Variants in HCRTR2 observed in about 807,000 individuals in gnomAD.
HCRTR2 encodes the protein orexin receptor type 2.
HCRTR2 carries 22 observed loss-of-function variants against 49.0 expected under a neutral mutation model. The ratio of observed to expected loss-of-function variants is 0.45; its 90% CI spans 0.32 to 0.64. HCRTR2 has a LOEUF of 0.64. HCRTR2 is among the 30% of genes least tolerant of loss of function. HCRTR2 has a pLI of 0.04. For synonymous variants in HCRTR2, 236 were observed against 205.3 expected, an observed-to-expected ratio of 1.15 and a Z score of -1.28; for missense variants, 491 against 559.4, an observed-to-expected ratio of 0.88 and a Z score of 1.23.
chr6:55,118,277 A>T (rs1764148167), intron 1 of HCRTR2, among the ~76,000 whole-genome samples: 1 of 151,970 alleles, frequency 6.6e-6, no homozygotes, highest in East Asian at 1.9e-4. Context: ...TATATGCACC[A>T]CATTTTTTTA....
chr6:55,194,168 A>G (rs2127280172), intron 1 of HCRTR2, among the ~76,000 whole-genome samples: 1 of 152,254 alleles, frequency 6.6e-6, no homozygotes, highest in East Asian at 1.9e-4. Context: ...AATCTTAAAA[A>G]CCTTAGAATG....
intron 1 of HCRTR2, among the ~76,000 whole-genome samples, chr6:55,122,350 C>A (rs1476530477): frequency 6.6e-6 from 1 of 152,020 alleles, no homozygotes; most frequent in Non-Finnish European, 1.5e-5. Context: ...TGATTCTTCT[C>A]TCTTTTCTTC....
chr6:55,255,438 G>A, intron 3 of HCRTR2, 59 bp downstream of exon 3: 1 of 1,572,198 alleles, frequency 6.4e-7, no homozygotes, highest in Non-Finnish European at 8.7e-7. Context: ...TTGAAAATTG[G>A]ATTAGCATAG....
At chr6:55,218,262 T>G (rs922914715) in intron 1 of HCRTR2, among the ~76,000 whole-genome samples, 1 of 152,124 alleles carries the variant, frequency 6.6e-6, no homozygotes, top group African/African-American at 2.4e-5. Flanking sequence ...CAATATGGGT[T>G]TCAGAGGAGA....
intron 4 of HCRTR2, chr6:55,264,056 G>C: frequency 2.2e-6 from 1 of 454,510 alleles, no homozygotes; most frequent in Non-Finnish European, 3.9e-6. Context: ...GTAATATTCA[G>C]GAAATGTATT....
chr6:55,158,770 G>A (rs184620581), intron 1 of HCRTR2, among the ~76,000 whole-genome samples: 1 of 152,320 alleles, frequency 6.6e-6, no homozygotes, highest in East Asian at 1.9e-4. Flanking sequence ...TCCTGTCTGG[G>A]CAGGGCTTCT....
In HCRTR2 at chr6:55,248,730, C is replaced by T. The variant is rs761003526; in HGVS notation, c.315C>T (p.Ile105=). ...NLSLADVLVT[I]TCLPATLVVD... ...CTCTGGCTGATGTGCTCGTGACCAT[C>T]ACCTGCCTTCCAGCCACACTGGTCG... Residue 105 remains isoleucine, a synonymous_variant, in exon 2 of 7, where the codon ATC becomes ATT. Coordinates refer to ENST00000370862, the MANE Select transcript of HCRTR2 (RefSeq NM_001384272.1). The T allele has an allele frequency of 6.2e-7, 1 of 1,613,450 alleles. No homozygotes were observed. The highest frequency in any genetic ancestry group is 1.1e-5 in the South Asian group (1 of 91,076).
chr6:55,255,102 G>A (rs200071142), intron 2 of HCRTR2, 34 bp from the exon 3 acceptor site: 3 of 1,611,672 alleles, frequency 1.9e-6, no homozygotes, highest in Non-Finnish European at 2.5e-6. Context: ...AACAGCTGGT[G>A]CTTCTCTATT....
intron 1 of HCRTR2, among the ~76,000 whole-genome samples, chr6:55,155,096 A>G (rs918805544): frequency 6.6e-6 from 1 of 151,928 alleles, no homozygotes; most frequent in Non-Finnish European, 1.5e-5. Flanking sequence ...TAAATGGAAG[A>G]TATTCCATGC....
intron 1 of HCRTR2, among the ~76,000 whole-genome samples, chr6:55,217,445 G>A (rs574381755): frequency 2.0e-5 from 3 of 152,182 alleles, no homozygotes; most frequent in African/African-American, 7.2e-5. Flanking sequence ...GCCAAAAGTA[G>A]CCAAACAGCA....
At chr6:55,193,998 A>G (rs960780707) in intron 1 of HCRTR2, among the ~76,000 whole-genome samples, 2 of 152,134 alleles carry the variant, frequency 1.3e-5, no homozygotes, top group African/African-American at 4.8e-5. Context: ...TTTCTCTAAC[A>G]GACTTAAAAA....
At chr6:55,202,737 A>G (rs1036672689) in intron 1 of HCRTR2, among the ~76,000 whole-genome samples, 2 of 130,768 alleles carry the variant, frequency 1.5e-5, no homozygotes, top group Admixed American at 8.1e-5. Context: ...AGACCATCAT[A>G]TTAGGGATTA....
intron 1 of HCRTR2, among the ~76,000 whole-genome samples, chr6:55,203,105 C>A (rs1035398438): frequency 6.6e-6 from 1 of 152,270 alleles, no homozygotes; most frequent in South Asian, 2.1e-4. Context: ...TAATTAGGAA[C>A]CCCTCTCTAA....
chr6:55,183,007 C>T (rs539504010), intron 1 of HCRTR2, among the ~76,000 whole-genome samples: 2 of 152,130 alleles, frequency 1.3e-5, no homozygotes, highest in Admixed American at 6.5e-5. Flanking sequence ...ATAGATATAT[C>T]GTTGCGATTT....
intron 4 of HCRTR2, among the ~76,000 whole-genome samples, chr6:55,266,050 A>C (rs78069041): frequency 0.011 from 1,661 of 152,232 alleles, 30 homozygotes; most frequent in African/African-American, 0.038. Context: ...AAACTACAAC[A>C]ACAAAATAAG....
intron 1 of HCRTR2, among the ~76,000 whole-genome samples, chr6:55,206,111 TG>T (rs1765596772): frequency 6.6e-6 from 1 of 152,136 alleles, no homozygotes; most frequent in African/African-American, 2.4e-5. Flanking sequence ...AATCAGACTT[TG>T]AGAAGGATTT....
chr6:55,116,872 TGAA>T (rs1258029536), intron 1 of HCRTR2, among the ~76,000 whole-genome samples: 1 of 151,710 alleles, frequency 6.6e-6, no homozygotes. Flanking sequence ...AAGGAAAGTG[TGAA>T]GAAGTCACAG....
intron 5 of HCRTR2, among the ~76,000 whole-genome samples, chr6:55,279,385 A>G (rs1767143023): frequency 5.9e-5 from 9 of 152,022 alleles, no homozygotes. Flanking sequence ...GGGTCATAAC[A>G]TAGTACAAAT....
At chr6:55,118,019 C>T (rs1764142500) in intron 1 of HCRTR2, among the ~76,000 whole-genome samples, 1 of 151,496 alleles carries the variant, frequency 6.6e-6, no homozygotes, top group Admixed American at 6.6e-5. Context: ...GCCTAGTATC[C>T]ACTTGTTATT....
Sources: allele counts gnomAD v4.1 joint callset (sites outside exome capture counted in the v4.1 genomes callset), GRCh38; gene constraint gnomAD v4.1.1; transcripts MANE v1.5; gene names NCBI Gene and HGNC (gene_info 2026-07-23, HGNC 2026-07-21).